Variants in SYNGR1 observed in about 807,000 individuals in gnomAD.
The protein encoded by SYNGR1 is synaptogyrin 1.
A neutral mutation model predicts 26.1 loss-of-function variants in SYNGR1; 14 were observed. The ratio of observed to expected loss-of-function variants is 0.54; its 90% CI spans 0.35 to 0.84. The LOEUF is 0.84. Among genes scored for constraint, SYNGR1 ranks in the 40% least tolerant of loss-of-function variants. The pLI, the probability that SYNGR1 is intolerant of heterozygous loss-of-function variation, is 0.01. For missense variants in SYNGR1, 319 were observed against 332.9 expected (o/e 0.96, Z 0.33); for synonymous variants, 141 against 150.1 (o/e 0.94, Z 0.44).
rs111262773 is a variant in SYNGR1, at chr22:39,365,835, CTTTTT to C, written c.100-8475_100-8471del. The stretch of plus-strand genomic sequence containing the variant: ...ACTTCCTCCCCCATCTGCTCTTTTT[CTTTTT>C]TTTTTCTTTTTCACACCTGGCTAAT... On this transcript the variant is annotated intron_variant, in intron 1 of 3. Coordinates refer to ENST00000328933, the MANE Select transcript of SYNGR1 (RefSeq NM_004711.5). Among the ~76,000 whole-genome samples the C allele has an allele frequency of 1.2e-3, 171 of 148,140 alleles. 1 individual carries two copies. The highest frequency in any genetic ancestry group is 4.1e-3 in the African/African-American group (166 of 40,460).
intron 1 of SYNGR1, among the ~76,000 whole-genome samples, chr22:39,370,469 T>C (rs553709931): frequency 1.3e-5 from 2 of 152,002 alleles, no homozygotes; most frequent in Non-Finnish European, 2.9e-5. Context: ...AGAGATGCGG[T>C]TTTACAATGT....
At position 39,382,254 on chromosome 22, in the gene SYNGR1, A is replaced by T. The variant is rs1362977270; in HGVS notation, c.*340A>T. 1 of 429,932 alleles carries T rather than the reference A, an allele frequency of 2.3e-6. No homozygotes were observed. Among genetic ancestry groups the T allele is most frequent in the African/African-American group, 2.0e-5 (1 of 49,998 alleles). The allele number at this position is 429,932 out of a possible 1,614,324, so 26.6% of individuals were successfully genotyped here. Reference sequence around the variant, plus strand: ...TGACATTGGCAGAAATGGCCACTGGAAAGGGGAGCGATGAGCTGTGGAGGA... The same window carrying T: ...TGACATTGGCAGAAATGGCCACTGGTAAGGGGAGCGATGAGCTGTGGAGGA... On this transcript the variant is annotated 3_prime_UTR_variant, in exon 4 of 4. Coordinates refer to ENST00000328933, the MANE Select transcript of SYNGR1 (RefSeq NM_004711.5).
intron 1 of SYNGR1, among the ~76,000 whole-genome samples, chr22:39,365,144 A>G (rs1601657191): frequency 1.3e-5 from 2 of 151,994 alleles, no homozygotes; most frequent in African/African-American, 4.8e-5. Context: ...TCCCTTCCCC[A>G]CAGCAGATCC....
intron 1 of SYNGR1, among the ~76,000 whole-genome samples, chr22:39,369,441 G>A (rs966988653): frequency 3.3e-5 from 5 of 152,234 alleles, no homozygotes; most frequent in South Asian, 2.1e-4. Flanking sequence ...GAATCGAGTC[G>A]CCTGATCCCC....
chr22:39,373,138 TACACACACAC>T (rs10548475), intron 1 of SYNGR1, among the ~76,000 whole-genome samples: 2 of 146,316 alleles, frequency 1.4e-5, no homozygotes, highest in African/African-American at 2.5e-5. Context: ...TTCTATTTAA[TACACACACAC>T]ACACACACAC....
chr22:39,369,042 C>A (rs1013468015), intron 1 of SYNGR1, among the ~76,000 whole-genome samples: 7 of 152,232 alleles, frequency 4.6e-5, no homozygotes, highest in Non-Finnish European at 1.0e-4. Flanking sequence ...GGCTACCCAG[C>A]ATAAGCAGCA....
chr22:39,362,779 G>T (rs1924542617), intron 1 of SYNGR1, among the ~76,000 whole-genome samples: 1 of 152,006 alleles, frequency 6.6e-6, no homozygotes, highest in Non-Finnish European at 1.5e-5. Flanking sequence ...GCAAGCGGAG[G>T]TGCCAGCCAA....
At chr22:39,351,367 T>C (rs893937403) in intron 1 of SYNGR1, among the ~76,000 whole-genome samples, 1 of 152,218 alleles carries the variant, frequency 6.6e-6, no homozygotes, top group African/African-American at 2.4e-5. Context: ...TTTAAAGCCT[T>C]TTCTTCTCAA....
At chr22:39,371,479 A>G (rs79916776) in intron 1 of SYNGR1, among the ~76,000 whole-genome samples, 2 of 147,180 alleles carry the variant, frequency 1.4e-5, no homozygotes, top group African/African-American at 5.0e-5. Flanking sequence ...TCCATCTCAA[A>G]AAAAAAAAAA....
intron 1 of SYNGR1, chr22:39,364,031 C>G: frequency 8.8e-7 from 1 of 1,141,422 alleles, no homozygotes; most frequent in Non-Finnish European, 1.2e-6. Flanking sequence ...GGGCACAGCT[C>G]GCCCTGAGCC....
intron 1 of SYNGR1, among the ~76,000 whole-genome samples, chr22:39,368,500 G>A (rs1050551824): frequency 1.3e-5 from 2 of 152,232 alleles, no homozygotes; most frequent in East Asian, 1.9e-4. Context: ...TGACCGAGGC[G>A]GGTGTCTGCT....
chr22:39,374,757 G>A (rs990786108), intron 2 of SYNGR1: 1 of 625,544 alleles, frequency 1.6e-6, no homozygotes, highest in South Asian at 1.9e-5. Context: ...AACCCATGCT[G>A]CCCACAGGCA....
intron 1 of SYNGR1, among the ~76,000 whole-genome samples, chr22:39,357,113 C>G (rs1924178542): frequency 6.6e-6 from 1 of 152,240 alleles, no homozygotes; most frequent in East Asian, 1.9e-4. Context: ...CACAAATTAG[C>G]CGGGTGTGGT....
At chr22:39,364,130 T>G in intron 1 of SYNGR1, 1 of 1,609,772 alleles carries the variant, frequency 6.2e-7, no homozygotes, top group South Asian at 1.1e-5. Flanking sequence ...TCAAGTAAAG[T>G]GGGCCTGTGC....
At position 39,385,371 on chromosome 22, in the gene SYNGR1, C is replaced by G. The variant is rs933832644; in HGVS notation, c.*3457C>G. 9 of 153,292 alleles carry G rather than the reference C, an allele frequency of 5.9e-5. No homozygotes were observed. Among genetic ancestry groups the G allele is most frequent in the Non-Finnish European group, 8.7e-5 (6 of 68,724 alleles). 9.5% of individuals were successfully genotyped at this position (153,292 alleles called of 1,614,324 possible). ...ATAATATAAGGCTCCACAAATATAT[C>G]TGTGTGTGTGTGTGCGTGTGTGTGC... is the stretch of plus-strand genomic sequence containing the variant. On this transcript the variant is annotated 3_prime_UTR_variant, in exon 4 of 4. Transcript: ENST00000328933.
intron 1 of SYNGR1, among the ~76,000 whole-genome samples, chr22:39,371,244 A>T (rs1431481295): frequency 6.7e-6 from 1 of 149,400 alleles, no homozygotes; most frequent in African/African-American, 2.5e-5. Flanking sequence ...TGGGAGGCCG[A>T]GGTGGGCAGA....
At chr22:39,377,584 C>T (rs1925342699) in intron 3 of SYNGR1, 1 of 1,613,080 alleles carries the variant, frequency 6.2e-7, no homozygotes, top group South Asian at 1.1e-5. Context: ...CTCACCCCTA[C>T]TCTCTCCTGG....
At chr22:39,380,310 G>A (rs979284551) in intron 3 of SYNGR1, among the ~76,000 whole-genome samples, 1 of 152,134 alleles carries the variant, frequency 6.6e-6, no homozygotes, top group Non-Finnish European at 1.5e-5. Flanking sequence ...GCAGGTGACC[G>A]AAATCCCAGA....
chr22:39,377,979 G>A, intron 3 of SYNGR1: 1 of 1,259,722 alleles, frequency 7.9e-7, no homozygotes, highest in Non-Finnish European at 1.0e-6. Flanking sequence ...CTGGGGAGGA[G>A]AAAACAAACA....
Sources: gnomAD v4.1 joint callset for allele counts (sites outside exome capture counted in the v4.1 genomes callset) on GRCh38, gnomAD v4.1.1 for gene constraint, MANE v1.5 for transcripts, NCBI Gene and HGNC (gene_info 2026-07-23, HGNC 2026-07-21) for gene names.